The following PPP1R16A variants were observed in gnomAD, a reference collection of about 807,000 sequenced individuals.
PPP1R16A encodes the protein myosin phosphatase-targeting subunit 3.
PPP1R16A carries 39 observed loss-of-function variants against 46.6 expected under a neutral mutation model. The observed-to-expected ratio is 0.84, with a 90% CI of 0.65 to 1.09. The LOEUF is 1.09. Ranked by LOEUF, PPP1R16A falls within the 50% of genes least tolerant of loss-of-function variation. PPP1R16A has a pLI of 0.00. For synonymous variants in PPP1R16A, 413 were observed against 321.5 expected (o/e 1.28, Z -3.04); for missense variants, 798 against 735.6 (o/e 1.08, Z -0.98).
chr8:144,480,078 T>A (rs984332806), intron 1 of PPP1R16A, among the ~76,000 whole-genome samples: 1 of 152,214 alleles, frequency 6.6e-6, no homozygotes, highest in Non-Finnish European at 1.5e-5. Context: ...AATGACAAGG[T>A]AACCACAGAA....
In PPP1R16A at chr8:144,493,169, G is replaced by A. The variant is rs1825887761; in HGVS notation, c.-735+2957G>A. Among the ~76,000 whole-genome samples, 1 of 152,110 alleles carries A rather than the reference G, an allele frequency of 6.6e-6. No individual in the cohort carries two copies. The highest frequency in any genetic ancestry group is 2.4e-5 in the African/African-American group (1 of 41,424). The stretch of plus-strand genomic sequence containing the variant: ...GTAGGCAGTGAGGGGACGGTGGGTG[G>A]GGGTCGGGGACAGTGCCCAGTATCC... On this transcript the variant is annotated intron_variant, in intron 2 of 11. Coordinates refer to ENST00000435887, the MANE Select transcript of PPP1R16A (RefSeq NM_001329443.2). This position sits in a 1 kb window ranked among gnomAD's most constrained non-coding sequence, Gnocchi z 4.3.
At chr8:144,490,377 G>A (rs985294345) in intron 2 of PPP1R16A, among the ~76,000 whole-genome samples, 165 bp downstream of exon 2, 1 of 152,218 alleles carries the variant, frequency 6.6e-6, no homozygotes, top group Non-Finnish European at 1.5e-5. Context: ...GTGGTGGTGG[G>A]CGTCTGTAAT....
chr8:144,500,690 C>T lies in PPP1R16A; in HGVS notation c.836C>T (p.Pro279Leu), dbSNP rs768050634. The change falls in exon 9 of 12, where the codon CCC (proline) becomes CTC (leucine). Residue 279 changes from proline to leucine, a missense_variant. Physicochemically the swap from Pro to Leu is moderately conservative, Grantham distance 98. Coordinates refer to ENST00000435887, the MANE Select transcript of PPP1R16A (RefSeq NM_001329443.2). ...GCTCCGGCCTGCCGTCCACAGGTGCCCCTGGTGGAGCTGCTCGTGGCGCAC... is the reference window on the plus strand; with the variant it reads ...GCTCCGGCCTGCCGTCCACAGGTGCTCCTGGTGGAGCTGCTCGTGGCGCAC... ...LHAAAYWGQVPLVELLVAHGA... is the reference protein window; with the variant it reads ...LHAAAYWGQVLLVELLVAHGA... The T allele has an allele frequency of 5.0e-6, 8 of 1,610,914 alleles. No individual in the cohort carries two copies. Among genetic ancestry groups the T allele is most frequent in the African/African-American group, 1.3e-5 (1 of 75,032 alleles).
chr8:144,487,853 C>A (rs2721184), intron 1 of PPP1R16A, among the ~76,000 whole-genome samples: 151,761 of 152,330 alleles, frequency 1, 75,620 homozygotes, highest in Middle Eastern at 1. Context: ...ATAAGTGGAG[C>A]ATTAGCTTGT....
intron 10 of PPP1R16A, 35 bp downstream of exon 10, chr8:144,501,006 T>G: frequency 1.4e-6 from 2 of 1,451,974 alleles, no homozygotes; most frequent in Non-Finnish European, 1.8e-6. Context: ...CGCCCCGGGC[T>G]TGGCCCCGCG....
In PPP1R16A at chr8:144,493,655, G is replaced by C. The variant is rs961790792; in HGVS notation, c.-734-2806G>C. 3.9e-5 allele frequency among the ~76,000 whole-genome samples: 6 copies of C among 152,074 alleles called. No homozygotes were observed. Among genetic ancestry groups the C allele is most frequent in the Non-Finnish European group, 5.9e-5 (4 of 67,974 alleles). On this transcript the variant is annotated intron_variant, in intron 2 of 11. Transcript: ENST00000435887. This position sits in a 1 kb window ranked among gnomAD's most constrained non-coding sequence, Gnocchi z 4.3. Reference sequence around the variant, plus strand: ...GATTCCTGGGCAGGGAGGCCAGAGGGGGACGCTTAGGGCTCAGCCTGGGGG... The same window carrying C: ...GATTCCTGGGCAGGGAGGCCAGAGGCGGACGCTTAGGGCTCAGCCTGGGGG...
rs761492377 is a variant in PPP1R16A at position 144,498,828 on chromosome 8, G to A, written c.318G>A (p.Thr106=). The stretch of plus-strand genomic sequence containing the variant: ...ACTTGGCCAACGAGGACGGCCTGAC[G>A]GCCCTGCACCAGGTCAGCCTGCACT... ...SPDLANEDGL[T]ALHQCCIDDF... The change falls in exon 4 of 12, where the codon ACG becomes ACA. Residue 106 remains threonine, a synonymous_variant. Transcript: ENST00000435887. 11 of 1,608,074 alleles carry A rather than the reference G, an allele frequency of 6.8e-6. No homozygotes were observed. Among genetic ancestry groups the A allele is most frequent in the African/African-American group, 4.0e-5 (3 of 74,892 alleles).
In PPP1R16A at chr8:144,501,520, G is replaced by C. The variant is rs376437557; in HGVS notation, c.1204G>C (p.Glu402Gln). 1.3e-6 allele frequency: 2 copies of C among 1,547,634 alleles called. No individual in the cohort carries two copies. Among genetic ancestry groups the C allele is most frequent in the Non-Finnish European group, 1.7e-6 (2 of 1,145,912 alleles). The change falls in exon 12 of 12, where the codon GAG (glutamate) becomes CAG (glutamine). Residue 402 changes from glutamate to glutamine, a missense_variant and splice_region_variant. By Grantham distance (29) the Glu-to-Gln change is conservative. Coordinates refer to ENST00000435887, the MANE Select transcript of PPP1R16A (RefSeq NM_001329443.2). ...GCTCTGGGACCTTCACTGCCCGCAG[G>C]AGGACAACCCCGAAGTGGTCAGGCC... ...GAELRPPPPE[E>Q]DNPEVVRPHN...
intron 1 of PPP1R16A, among the ~76,000 whole-genome samples, chr8:144,486,346 C>A (rs189754254): frequency 6.6e-6 from 1 of 152,098 alleles, no homozygotes; most frequent in Non-Finnish European, 1.5e-5. Context: ...GGATTACAGG[C>A]GTGAGCCACC....
intron 1 of PPP1R16A, among the ~76,000 whole-genome samples, chr8:144,483,177 T>C (rs73377617): frequency 2.4e-3 from 362 of 152,342 alleles, no homozygotes; most frequent in African/African-American, 8.4e-3. Context: ...TCTGTAACGA[T>C]GTTCACATGT....
Position 144,501,514 on chromosome 8 carries a change from C to A in PPP1R16A, c.1204-6C>A. 6.5e-7 allele frequency: 1 copy of A among 1,538,390 alleles called. No homozygotes were observed. On this transcript the variant is annotated splice_polypyrimidine_tract_variant and splice_region_variant and intron_variant, in intron 11 of 11. Transcript: ENST00000435887. ...CTGATGGCTCTGGGACCTTCACTGCCCGCAGGAGGACAACCCCGAAGTGGT... is the reference window on the plus strand; with the variant it reads ...CTGATGGCTCTGGGACCTTCACTGCACGCAGGAGGACAACCCCGAAGTGGT...
chr8:144,485,559 T>A (rs1311880537), intron 1 of PPP1R16A, among the ~76,000 whole-genome samples: 2 of 149,828 alleles, frequency 1.3e-5, no homozygotes, highest in Admixed American at 1.3e-4. Flanking sequence ...GAAAAATAAA[T>A]AAAAAAAGAA....
chr8:144,497,455 T>C lies in PPP1R16A; in HGVS notation c.259+2T>C. 2 of 1,612,532 alleles carry C rather than the reference T, an allele frequency of 1.2e-6. No individual in the cohort carries two copies. The highest frequency in any genetic ancestry group is 1.7e-6 in the Non-Finnish European group (2 of 1,179,944). On this transcript the variant is annotated splice_donor_variant, in intron 3 of 11. Transcript: ENST00000435887. LOFTEE classifies it high-confidence loss of function. The stretch of plus-strand genomic sequence containing the variant: ...CTGCCCGAAATGACCTGGAAGAAGG[T>C]GAGTGTGGCTGAGCCCAGAGCAGCT...
intron 3 of PPP1R16A, chr8:144,498,409 A>G (rs919239112): frequency 3.9e-5 from 13 of 334,210 alleles, no homozygotes; most frequent in African/African-American, 2.5e-4. Flanking sequence ...GCAGGTTGTC[A>G]GGGAAGAGCC....
In PPP1R16A at chr8:144,496,284, C is replaced by G. The variant is rs565864544; in HGVS notation, c.-734-177C>G. On this transcript the variant is annotated intron_variant, in intron 2 of 11. Transcript: ENST00000435887. ...GCAGAATGGGGGCAGAGTAGCTCCC[C>G]GTACCCCCAGGACTGTTGACCTGCA... The G allele has an allele frequency of 2.0e-5, 3 of 152,416 alleles. No individual in the cohort carries two copies. The East Asian group carries it at 5.8e-4, about 29-fold the overall frequency. 9.4% of individuals were successfully genotyped at this position (152,416 alleles called of 1,614,324 possible).
chr8:144,481,408 T>G (rs56048426), intron 1 of PPP1R16A, among the ~76,000 whole-genome samples: 3 of 151,634 alleles, frequency 2.0e-5, no homozygotes, highest in Non-Finnish European at 4.4e-5. Flanking sequence ...TTTGGGAGGC[T>G]GAGGCGGGTG....
chr8:144,489,020 A>G (rs1825707956), intron 1 of PPP1R16A, among the ~76,000 whole-genome samples: 1 of 151,340 alleles, frequency 6.6e-6, no homozygotes, highest in African/African-American at 2.4e-5. Flanking sequence ...CCTTGCCAAC[A>G]TGGTGAAACC....
chr8:144,492,599 T>A (rs1825862698), intron 2 of PPP1R16A, among the ~76,000 whole-genome samples: 1 of 152,150 alleles, frequency 6.6e-6, no homozygotes, highest in Admixed American at 6.5e-5. Flanking sequence ...CCTCCCAAAG[T>A]GCTGGGATTA....
intron 1 of PPP1R16A, among the ~76,000 whole-genome samples, chr8:144,486,670 C>T (rs1443209204): frequency 3.3e-5 from 5 of 152,142 alleles, no homozygotes; most frequent in African/African-American, 9.7e-5. Context: ...TGAGGTGTGT[C>T]TTTGCATCCT....
Sources: gnomAD v4.1 joint callset for allele counts (sites outside exome capture counted in the v4.1 genomes callset) on GRCh38, gnomAD v4.1.1 for gene constraint, Gnocchi (gnomAD v3.1) non-coding constraint, MANE v1.5 for transcripts, NCBI Gene and HGNC (gene_info 2026-07-23, HGNC 2026-07-21) for gene names.